The following NCBP2L variants were observed in gnomAD, a reference collection of about 807,000 sequenced individuals.
NCBP2L encodes nuclear cap binding protein subunit 2 like, also known as nuclear cap-binding protein subunit 2-like.
For synonymous variants in NCBP2L, 39 were observed against 19.2 expected (o/e 2.04, Z -2.70); for missense variants, 95 against 53.1 (o/e 1.79, Z -2.45).
At chrX:107,780,831 T>C (rs1212166930) in intron 1 of NCBP2L, among the ~76,000 whole-genome samples, 3 of 109,558 alleles carry the variant, frequency 2.7e-5, no homozygotes, top group African/African-American at 1.0e-4. Flanking sequence ...GGTTGCTCCA[T>C]GTTGCCCAGG....
intron 1 of NCBP2L, among the ~76,000 whole-genome samples, chrX:107,787,179 T>C (rs1219604835): frequency 8.9e-6 from 1 of 112,046 alleles, no homozygotes; most frequent in African/African-American, 3.2e-5. Flanking sequence ...GGTGTGCTGC[T>C]CCTGCTGGCC....
chrX:107,781,472 A>ATTTTTTTTTTTTTTTT (rs769639335), intron 1 of NCBP2L, among the ~76,000 whole-genome samples: 2 of 73,865 alleles, frequency 2.7e-5, no homozygotes, highest in Admixed American at 1.5e-4. Flanking sequence ...CGCCCGGCTA[A>ATTTTTTTTTTTTTTTT]TTTTTTTTTT....
At chrX:107,782,668 A>G (rs772082981) in intron 1 of NCBP2L, among the ~76,000 whole-genome samples, 1 of 105,330 alleles carries the variant, frequency 9.5e-6, no homozygotes, top group African/African-American at 3.4e-5. Flanking sequence ...GCTTTGATGA[A>G]TTCAGTTTTT....
intron 1 of NCBP2L, among the ~76,000 whole-genome samples, chrX:107,788,466 C>T (rs1930412021): frequency 8.9e-6 from 1 of 112,758 alleles, no homozygotes; most frequent in Non-Finnish European, 1.9e-5. Context: ...CTTTAACCAT[C>T]TCTTTGCTAG....
intron 1 of NCBP2L, among the ~76,000 whole-genome samples, chrX:107,785,056 A>G (rs866631615): frequency 4.6e-5 from 5 of 109,019 alleles, no homozygotes; most frequent in African/African-American, 1.7e-4. Context: ...AAAGAAGGAA[A>G]GAAAGAAAGG....
At chrX:107,785,230 T>A (rs925851760) in intron 1 of NCBP2L, among the ~76,000 whole-genome samples, 2 of 111,586 alleles carry the variant, frequency 1.8e-5, no homozygotes, top group East Asian at 5.6e-4. Flanking sequence ...TAAGGACAGT[T>A]GGTAGAAGTG....
At chrX:107,784,725 C>T (rs758830436) in intron 1 of NCBP2L, among the ~76,000 whole-genome samples, 1 of 103,050 alleles carries the variant, frequency 9.7e-6, no homozygotes, top group South Asian at 4.5e-4. Flanking sequence ...AATTCCAACA[C>T]TTTGGGAAGC....
At chrX:107,783,248 C>T (rs1006285499) in intron 1 of NCBP2L, among the ~76,000 whole-genome samples, 3 of 107,887 alleles carry the variant, frequency 2.8e-5, no homozygotes, top group East Asian at 5.8e-4. Flanking sequence ...TTTGGGAGGC[C>T]GAGGCAGTGG....
intron 1 of NCBP2L, among the ~76,000 whole-genome samples, chrX:107,783,369 T>TA (rs1280834455): frequency 4.3e-4 from 42 of 98,792 alleles, no homozygotes; most frequent in South Asian, 9.3e-4. Flanking sequence ...TTTTTTTTTT[T>TA]TTTTTTTTTT....
intron 1 of NCBP2L, among the ~76,000 whole-genome samples, chrX:107,792,113 C>A (rs963719194): frequency 1.8e-5 from 2 of 112,327 alleles, no homozygotes; most frequent in East Asian, 5.6e-4. Flanking sequence ...GAGCCTTTGG[C>A]TCTCTGCTAG....
At chrX:107,784,687 C>G (rs1196654799) in intron 1 of NCBP2L, among the ~76,000 whole-genome samples, 2 of 107,863 alleles carry the variant, frequency 1.9e-5, no homozygotes, top group South Asian at 8.2e-4. Context: ...AATAGAGGAG[C>G]TGGGCAGATG....
At chrX:107,788,619 T>A (rs751386864) in intron 1 of NCBP2L, among the ~76,000 whole-genome samples, 1 of 112,495 alleles carries the variant, frequency 8.9e-6, no homozygotes, top group African/African-American at 3.2e-5. Flanking sequence ...CGCTGTGTAG[T>A]TTGACCAGCA....
chrX:107,780,937 A>T (rs1183295112), intron 1 of NCBP2L, among the ~76,000 whole-genome samples: 1 of 106,871 alleles, frequency 9.4e-6, no homozygotes, highest in Non-Finnish European at 1.9e-5. Context: ...TTATTATTAT[A>T]ATTATTGAGA....
intron 1 of NCBP2L, among the ~76,000 whole-genome samples, chrX:107,786,377 A>G (rs1397466949): frequency 1.8e-5 from 2 of 112,269 alleles, no homozygotes; most frequent in Non-Finnish European, 3.8e-5. Context: ...AATGTGGGCC[A>G]TTTGCAATGA....
intron 1 of NCBP2L, among the ~76,000 whole-genome samples, chrX:107,784,387 G>C (rs751027286): frequency 9.1e-6 from 1 of 110,451 alleles, no homozygotes; most frequent in Non-Finnish European, 1.9e-5. Context: ...GAGATAGATG[G>C]AATCTTCCAT....
chrX:107,778,224 G>T (rs779836934), intron 1 of NCBP2L, among the ~76,000 whole-genome samples: 2 of 111,962 alleles, frequency 1.8e-5, no homozygotes, highest in South Asian at 7.3e-4. Flanking sequence ...TTTGTGAACT[G>T]CTGGGACTTT....
At chrX:107,785,462 G>T (rs187978489) in intron 1 of NCBP2L, among the ~76,000 whole-genome samples, 10 of 111,558 alleles carry the variant, frequency 9.0e-5, no homozygotes, top group African/African-American at 3.3e-4. Context: ...ATATTTTAAT[G>T]GGCATTCCTA....
intron 1 of NCBP2L, among the ~76,000 whole-genome samples, chrX:107,782,520 ATTG>A (rs1276954778): frequency 1.0e-5 from 1 of 99,383 alleles, no homozygotes; most frequent in Non-Finnish European, 2.0e-5. Context: ...ACAATACAGT[ATTG>A]TTAACTATAG....
At chrX:107,786,299 A>T (rs911571267) in intron 1 of NCBP2L, among the ~76,000 whole-genome samples, 6 of 112,129 alleles carry the variant, frequency 5.4e-5, no homozygotes, top group African/African-American at 1.9e-4. Flanking sequence ...GGAGAAAAAA[A>T]TTGTTATAAA....
Sources: gnomAD v4.1 joint callset for allele counts (sites outside exome capture counted in the v4.1 genomes callset) on GRCh38, gnomAD v4.1.1 for gene constraint, MANE v1.5 for transcripts, NCBI Gene and HGNC (gene_info 2026-07-23, HGNC 2026-07-21) for gene names.